The following APC variants were observed in gnomAD, a reference collection of about 807,000 sequenced individuals.
APC encodes adenomatous polyposis coli protein.
Under a neutral mutation model 247.0 loss-of-function variants are expected in APC, and 72 were observed. That is an observed-to-expected ratio of 0.29 (90% CI 0.24 to 0.35). The LOEUF is 0.35. Among genes scored for constraint, APC ranks in the 10% least tolerant of loss-of-function variants. The probability of loss-of-function intolerance (pLI) is 1.00; values close to 1 mark genes in which losing one functional copy is unlikely to be tolerated. For synonymous variants in APC, 1,254 were observed against 1,162.5 expected (o/e 1.08, Z -1.60); for missense variants, 3,400 against 3,360.7 (o/e 1.01, Z -0.29).
At chr5:112,737,736 C>CG (rs918516601), upstream of APC, 58 of 666,170 alleles carry the variant, frequency 8.7e-5, no homozygotes, top group Middle Eastern at 7.3e-4. Flanking sequence ...CTGCGGAGTG[C>CG]GGGTCGGGAA....
At chr5:112,777,448 G>A (rs1366569375) in intron 5 of APC, among the ~76,000 whole-genome samples, 2 of 152,110 alleles carry the variant, frequency 1.3e-5, no homozygotes, top group Non-Finnish European at 2.9e-5. Context: ...TTCTGATGAA[G>A]GAAGCAACTA....
chr5:112,741,681 C>G (rs1317644400), intron 1 of APC, among the ~76,000 whole-genome samples: 1 of 152,066 alleles, frequency 6.6e-6, no homozygotes, highest in Non-Finnish European at 1.5e-5. Flanking sequence ...GCATTAAGTT[C>G]ATTCACATTG....
chr5:112,811,298 G>T (rs942971583), intron 8 of APC, among the ~76,000 whole-genome samples: 2 of 152,180 alleles, frequency 1.3e-5, no homozygotes, highest in Admixed American at 1.3e-4. Context: ...GACTTAGCAG[G>T]TCTTGAGGTT....
At chr5:112,763,409 A>G (rs1477208312) in intron 2 of APC, among the ~76,000 whole-genome samples, 1 of 151,614 alleles carries the variant, frequency 6.6e-6, no homozygotes, top group Non-Finnish European at 1.5e-5. Context: ...CAGATTATGT[A>G]TTTTACAGTT....
At chr5:112,777,317 C>G (rs1034362752) in intron 5 of APC, among the ~76,000 whole-genome samples, 40 of 152,024 alleles carry the variant, frequency 2.6e-4, no homozygotes, top group African/African-American at 9.7e-4. Flanking sequence ...CAGAATGGTC[C>G]TTAGGCATAT....
chr5:112,819,667 C>CA (rs1762916697), intron 10 of APC, among the ~76,000 whole-genome samples: 1 of 152,176 alleles, frequency 6.6e-6, no homozygotes, highest in African/African-American at 2.4e-5. Context: ...AAGCTCATTT[C>CA]ATAGATGAAA....
upstream of APC, among the ~76,000 whole-genome samples, chr5:112,734,745 G>T (rs1752279541): frequency 6.6e-6 from 1 of 150,886 alleles, no homozygotes; most frequent in Non-Finnish European, 1.5e-5. Flanking sequence ...GGCCAAAAGT[G>T]CCTAGGTAAA....
intron 8 of APC, among the ~76,000 whole-genome samples, chr5:112,813,293 C>T (rs193149053): frequency 9.5e-4 from 144 of 152,146 alleles, no homozygotes; most frequent in Non-Finnish European, 1.7e-3. Context: ...TTATTGTGAA[C>T]GATGATCTAA....
At chr5:112,800,892 G>A (rs905420075) in intron 7 of APC, among the ~76,000 whole-genome samples, 1 of 151,968 alleles carries the variant, frequency 6.6e-6, no homozygotes, top group Non-Finnish European at 1.5e-5. Context: ...TGTAAGCTTA[G>A]GTAATAGTTT....
chr5:112,815,188 C>T (rs551269817), intron 8 of APC, among the ~76,000 whole-genome samples: 72 of 152,280 alleles, frequency 4.7e-4, no homozygotes, highest in African/African-American at 1.7e-3. Flanking sequence ...ATGAACTTAT[C>T]TGAATGTGGT....
At chr5:112,818,865 T>C in intron 9 of APC, 101 bp from the exon 10 acceptor site, 1 of 1,348,722 alleles carries the variant, frequency 7.4e-7, no homozygotes, top group Non-Finnish European at 1.0e-6. Flanking sequence ...GTTGTTTTGT[T>C]TTTTTAGAGT....
At position 112,840,889 on chromosome 5, in the gene APC, A is replaced by C. The variant is rs1765915337; in HGVS notation, c.5295A>C (p.Leu1765Phe). 3.7e-6 allele frequency: 6 copies of C among 1,613,936 alleles called. No homozygotes were observed. The highest frequency in any genetic ancestry group is 5.1e-6 in the Non-Finnish European group (6 of 1,179,788). Residue 1765 changes from leucine to phenylalanine, a missense_variant, in exon 16 of 16, where the codon TTA becomes TTC. Around this residue, in one of 9 missense-constraint regions of APC, gnomAD observed 1,788 missense variants for 1,649.5 expected, o/e 1.08. Transcript: ENST00000257430. This position sits in a 1 kb window ranked among gnomAD's most constrained non-coding sequence, Gnocchi z 4.1. ...CTTCTGCACCCAACAAAAATCAGTT[A>C]GATGGTAAGAAAAAGAAACCAACTT... ...ASSSAPNKNQ[L>F]DGKKKKPTSP...
chr5:112,750,729 C>A (rs1264125371), intron 1 of APC, among the ~76,000 whole-genome samples: 2 of 152,040 alleles, frequency 1.3e-5, no homozygotes, highest in Non-Finnish European at 2.9e-5. Flanking sequence ...GTGTCTTACA[C>A]CCATTAAACA....
intron 1 of APC, among the ~76,000 whole-genome samples, chr5:112,714,778 A>C (rs1561399272): frequency 6.6e-6 from 1 of 152,170 alleles, no homozygotes; most frequent in South Asian, 2.1e-4. Context: ...TACAATCTAT[A>C]TATCACACTC....
chr5:112,743,574 T>A (rs1753285963), intron 1 of APC, among the ~76,000 whole-genome samples: 1 of 152,270 alleles, frequency 6.6e-6, no homozygotes. Flanking sequence ...TATTCATTGT[T>A]CAATTAGATT....
chr5:112,795,204 T>C (rs1760075952), intron 7 of APC, among the ~76,000 whole-genome samples: 1 of 152,064 alleles, frequency 6.6e-6, no homozygotes, highest in Non-Finnish European at 1.5e-5. Flanking sequence ...TATTTTGTAT[T>C]TTTAGTAGAG....
At chr5:112,766,225 T>A in intron 2 of APC, 101 bp from the exon 3 acceptor site, 2 of 806,972 alleles carry the variant, frequency 2.5e-6, no homozygotes, top group Non-Finnish European at 2.2e-6. Context: ...TTGAGAGTGA[T>A]CTGAATTTTT....
chr5:112,730,423 C>A (rs754482517), intron 1 of APC, among the ~76,000 whole-genome samples: 5 of 152,128 alleles, frequency 3.3e-5, no homozygotes, highest in Non-Finnish European at 5.9e-5. Flanking sequence ...GCTTTGAAGG[C>A]GGACTGCCAT....
At chr5:112,817,057 A>G (rs1367924295) in intron 9 of APC, among the ~76,000 whole-genome samples, 1 of 151,442 alleles carries the variant, frequency 6.6e-6, no homozygotes, top group Non-Finnish European at 1.5e-5. Context: ...TTTAGTAGAG[A>G]TGGGGTTTTG....
Sources: allele counts gnomAD v4.1 joint callset (sites outside exome capture counted in the v4.1 genomes callset), GRCh38; gene constraint gnomAD v4.1.1; regional missense constraint gnomAD v4.1.1; non-coding constraint Gnocchi (gnomAD v3.1); transcripts MANE v1.5; gene names NCBI Gene and HGNC (gene_info 2026-07-23, HGNC 2026-07-21).